Variants in PTPRD observed in about 807,000 individuals in gnomAD.
PTPRD encodes protein tyrosine phosphatase receptor type D.
PTPRD carries 34 observed loss-of-function variants against 214.5 expected under a neutral mutation model. The observed-to-expected ratio is 0.16, with a 90% CI of 0.12 to 0.21. The LOEUF is 0.21. Among genes scored for constraint, PTPRD ranks in the 10% least tolerant of loss-of-function variants. PTPRD has a pLI of 1.00. For synonymous variants in PTPRD, 1,128 were observed against 845.7 expected, an observed-to-expected ratio of 1.33 and a Z score of -5.79; for missense variants, 2,545 against 2,398.7, an observed-to-expected ratio of 1.06 and a Z score of -1.27.
chr9:10,276,095 GT>G (rs1377130937), intron 3 of PTPRD, among the ~76,000 whole-genome samples: 2 of 152,158 alleles, frequency 1.3e-5, no homozygotes, highest in Non-Finnish European at 2.9e-5. Context: ...TTCTGAGAAA[GT>G]TTTTACAACA....
At position 9,797,323 on chromosome 9, in the gene PTPRD, T is replaced by C. The variant is rs190176207; in HGVS notation, c.-367-30472A>G. On this transcript the variant is annotated intron_variant, in intron 5 of 45. Transcript: ENST00000381196. ...CATGTATTTCAAATTTTTAAAAAAATTAAATTATTTTATAAGAAAATACTA... is the reference window on the plus strand; with the variant it reads ...CATGTATTTCAAATTTTTAAAAAAACTAAATTATTTTATAAGAAAATACTA... Among the ~76,000 whole-genome samples the C allele has an allele frequency of 4.8e-3, 694 of 146,008 alleles. 4 individuals carry two copies. The highest frequency in any genetic ancestry group is 0.016 in the African/African-American group (637 of 39,672).
At chr9:8,345,209 T>C (rs113451640) in intron 39 of PTPRD, among the ~76,000 whole-genome samples, 3,754 of 152,176 alleles carry the variant, frequency 0.025, 74 homozygotes, top group Middle Eastern at 0.041. Flanking sequence ...ACCACAGTGC[T>C]TGACACCTAA....
At chr9:10,323,779 GATATA>G (rs1470552296) in intron 3 of PTPRD, among the ~76,000 whole-genome samples, 3 of 151,848 alleles carry the variant, frequency 2.0e-5, no homozygotes, top group Non-Finnish European at 4.4e-5. Context: ...TAAATATTGG[GATATA>G]ATATATTAAT....
At chr9:9,788,950 C>T (rs1293474952) in intron 5 of PTPRD, among the ~76,000 whole-genome samples, 2 of 152,102 alleles carry the variant, frequency 1.3e-5, no homozygotes, top group East Asian at 1.9e-4. Flanking sequence ...CACAAGTTTC[C>T]GGTGCCTCTC....
At chr9:9,377,088 T>C (rs1345611520) in intron 9 of PTPRD, among the ~76,000 whole-genome samples, 2 of 150,734 alleles carry the variant, frequency 1.3e-5, no homozygotes, top group East Asian at 3.9e-4. Context: ...GCAACATATA[T>C]TTTTTTTTAA....
chr9:8,735,060 GT>G (rs2089839523), intron 11 of PTPRD, among the ~76,000 whole-genome samples: 1 of 151,944 alleles, frequency 6.6e-6, no homozygotes, highest in South Asian at 2.1e-4. Context: ...GAACAGATGC[GT>G]GAGTACTACC....
chr9:9,709,615 T>A (rs948895885), intron 7 of PTPRD, among the ~76,000 whole-genome samples: 3 of 152,054 alleles, frequency 2.0e-5, no homozygotes, highest in Non-Finnish European at 4.4e-5. Context: ...TATTAAGTAG[T>A]ACATTTCACA....
intron 35 of PTPRD, among the ~76,000 whole-genome samples, chr9:8,431,615 G>A (rs962254505): frequency 2.6e-5 from 4 of 152,270 alleles, no homozygotes; most frequent in South Asian, 4.1e-4. Flanking sequence ...ATGGTGAAAT[G>A]AAGACTGGGG....
At chr9:9,650,648 GATAGTATC>G (rs2096315147) in intron 7 of PTPRD, among the ~76,000 whole-genome samples, 1 of 151,942 alleles carries the variant, frequency 6.6e-6, no homozygotes, top group Non-Finnish European at 1.5e-5. Flanking sequence ...TGAGAGGAGA[GATAGTATC>G]AGGAAAAATA....
rs537649731 is a variant in PTPRD, at chr9:8,950,450, T to A, written c.-104+68247A>T. On this transcript the variant is annotated intron_variant, in intron 11 of 45. Transcript: ENST00000381196. ...GCTGTGGGGCAAAACCATCTGCTTA[T>A]ATGCACCAATTCAGTCACCTTCTGA... Among the ~76,000 whole-genome samples, 12 of 151,158 alleles carry A rather than the reference T, an allele frequency of 7.9e-5. No homozygotes were observed. The South Asian group carries it at 2.5e-3, about 32-fold the overall frequency.
chr9:9,149,287 T>C (rs923264758), intron 10 of PTPRD, among the ~76,000 whole-genome samples: 1 of 152,248 alleles, frequency 6.6e-6, no homozygotes, highest in African/African-American at 2.4e-5. Context: ...TGGCACATAG[T>C]ACACACTGAA....
chr9:10,036,877 A>ATTAT (rs59177466), intron 3 of PTPRD, among the ~76,000 whole-genome samples: 70 of 107,256 alleles, frequency 6.5e-4, no homozygotes, highest in East Asian at 2.7e-3. Context: ...CCAAATTTTT[A>ATTAT]TTATTTATTT....
intron 2 of PTPRD, among the ~76,000 whole-genome samples, chr9:10,557,231 G>A (rs924812051): frequency 1.3e-5 from 2 of 152,036 alleles, no homozygotes; most frequent in African/African-American, 2.4e-5. Context: ...ATAAGCATCT[G>A]TTTTCTGCTT....
At chr9:9,369,026 C>T (rs968103329) in intron 9 of PTPRD, among the ~76,000 whole-genome samples, 1 of 151,948 alleles carries the variant, frequency 6.6e-6, no homozygotes, top group Non-Finnish European at 1.5e-5. Flanking sequence ...GTTTCTTGTC[C>T]TTGCGATAGT....
rs77222275 is a variant in PTPRD at position 9,049,026 on chromosome 9, G to A, written c.-142-30291C>T. 4.3e-3 allele frequency among the ~76,000 whole-genome samples: 654 copies of A among 152,216 alleles called. 9 individuals carry two copies. The highest frequency in any genetic ancestry group is 0.015 in the African/African-American group (628 of 41,526). On this transcript the variant is annotated intron_variant, in intron 10 of 45. Coordinates refer to ENST00000381196, the MANE Select transcript of PTPRD (RefSeq NM_002839.4). ...AATAAATATGTTTACAAAAATACAT[G>A]GCCCACAGGCCAGCACTTGCCATCC...
intron 7 of PTPRD, among the ~76,000 whole-genome samples, chr9:9,578,220 G>A (rs2089631205): frequency 6.6e-6 from 1 of 151,952 alleles, no homozygotes; most frequent in Admixed American, 6.6e-5. Context: ...TGCTGAATAA[G>A]ACATTCTTCA....
In PTPRD at chr9:10,127,856, T is replaced by C. The variant is rs147120021; in HGVS notation, c.-544-94066A>G. On this transcript the variant is annotated intron_variant, in intron 3 of 45. Transcript: ENST00000381196. ...CGAAGTGGAAGTTTTTAAATTCTGT[T>C]ACAGGTAGCCTTAAAATTCCCCGTC... Among the ~76,000 whole-genome samples, 495 of 152,296 alleles carry C rather than the reference T, an allele frequency of 3.3e-3. 3 individuals are homozygous for C. The highest frequency in any genetic ancestry group is 0.012 in the African/African-American group (481 of 41,570).
chr9:9,700,655 T>C (rs1409142220), intron 7 of PTPRD, among the ~76,000 whole-genome samples: 2 of 152,154 alleles, frequency 1.3e-5, no homozygotes, highest in African/African-American at 4.8e-5. Flanking sequence ...ATTACAGTCA[T>C]ATACAATAAT....
chr9:10,608,367 T>C (rs944064507), intron 2 of PTPRD, among the ~76,000 whole-genome samples: 1 of 151,994 alleles, frequency 6.6e-6, no homozygotes, highest in African/African-American at 2.4e-5. Flanking sequence ...TGAGTCCACC[T>C]CTTCCCTTCC....
Sources: allele counts gnomAD v4.1 joint callset (sites outside exome capture counted in the v4.1 genomes callset), GRCh38; gene constraint gnomAD v4.1.1; transcripts MANE v1.5; gene names NCBI Gene and HGNC (gene_info 2026-07-23, HGNC 2026-07-21).